Variants in NEGR1 observed in about 807,000 individuals in gnomAD.
The protein encoded by NEGR1 is IgLON family member 4.
A neutral mutation model predicts 40.9 loss-of-function variants in NEGR1; 10 were observed. The observed-to-expected ratio is 0.24, with a 90% confidence interval of 0.15 to 0.42. The LOEUF is 0.42. NEGR1 is among the 10% of genes least tolerant of loss of function. NEGR1 has a pLI of 1.00. For synonymous variants in NEGR1, 185 were observed against 166.8 expected (o/e 1.11, Z -0.84); for missense variants, 352 against 438.9 (o/e 0.80, Z 1.77).
intron 6 of NEGR1, among the ~76,000 whole-genome samples, chr1:71,447,836 T>C (rs986481801): frequency 6.6e-6 from 1 of 152,212 alleles, no homozygotes; most frequent in Non-Finnish European, 1.5e-5. Context: ...ATGAATGAAA[T>C]ATTTTTTTCT....
rs577246517 is a variant in NEGR1, at chr1:71,477,095, A to G, written c.941-69525T>C. The G allele has an allele frequency of 4.5e-4, 68 of 152,294 alleles. 1 individual carries two copies. Among genetic ancestry groups the G allele is most frequent in the African/African-American group, 1.6e-3 (66 of 41,586 alleles). The allele number at this position is 152,294 out of a possible 1,614,324, so 9.4% of individuals were successfully genotyped here. A position where few individuals can be genotyped will look rare whatever the true frequency, so the allele number is the denominator to read the frequency against. On this transcript the variant is annotated intron_variant, in intron 6 of 6. Transcript: ENST00000357731. ...GGAGAAGAATATTGTCAACAAATCA[A>G]TTTTAATTCTAATCAAGTATTTTGA...
intron 3 of NEGR1, among the ~76,000 whole-genome samples, chr1:71,742,398 T>C (rs987132547): frequency 2.6e-5 from 4 of 152,216 alleles, no homozygotes; most frequent in African/African-American, 9.6e-5. Flanking sequence ...TCTGCCCCAC[T>C]GGGTTTGGGA....
intron 1 of NEGR1, among the ~76,000 whole-genome samples, chr1:72,086,162 T>C (rs1648213448): frequency 6.6e-6 from 1 of 152,116 alleles, no homozygotes; most frequent in Non-Finnish European, 1.5e-5. Flanking sequence ...AATTTCGATA[T>C]TATAATGAAC....
intron 4 of NEGR1, among the ~76,000 whole-genome samples, chr1:71,632,174 C>T (rs1033613700): frequency 2.0e-5 from 3 of 151,682 alleles, no homozygotes; most frequent in Non-Finnish European, 1.5e-5. Context: ...ATGGAACCTA[C>T]ATCTTCCTAA....
At chr1:71,648,222 G>C (rs1570149118) in intron 4 of NEGR1, among the ~76,000 whole-genome samples, 1 of 151,842 alleles carries the variant, frequency 6.6e-6, no homozygotes, top group Non-Finnish European at 1.5e-5. Context: ...AACCAGAACA[G>C]TTTCTGAATT....
At chr1:71,994,056 C>T (rs1469187473) in intron 1 of NEGR1, among the ~76,000 whole-genome samples, 1 of 152,116 alleles carries the variant, frequency 6.6e-6, no homozygotes, top group Non-Finnish European at 1.5e-5. Context: ...TCCAGCACAA[C>T]TCTGTTGTTT....
intron 3 of NEGR1, among the ~76,000 whole-genome samples, chr1:71,770,529 T>C (rs1458833573): frequency 1.3e-5 from 2 of 152,130 alleles, no homozygotes; most frequent in Non-Finnish European, 2.9e-5. Flanking sequence ...ATAAAATCAA[T>C]CAAAGTTAAA....
intron 1 of NEGR1, among the ~76,000 whole-genome samples, chr1:72,083,104 A>G (rs908920633): frequency 6.6e-6 from 1 of 152,170 alleles, no homozygotes; most frequent in African/African-American, 2.4e-5. Flanking sequence ...CAATATTTCT[A>G]TATTATAGAA....
chr1:72,100,566 T>C (rs1648895793), intron 1 of NEGR1, among the ~76,000 whole-genome samples: 1 of 152,192 alleles, frequency 6.6e-6, no homozygotes, highest in South Asian at 2.1e-4. Context: ...ATTCAATTGT[T>C]CCAGTTTTAT....
chr1:71,550,681 C>T (rs1223822280), intron 6 of NEGR1, among the ~76,000 whole-genome samples: 3 of 151,614 alleles, frequency 2.0e-5, no homozygotes, highest in Non-Finnish European at 4.4e-5. Flanking sequence ...TGAGAGTTCC[C>T]TCCTAACATC....
Position 71,935,254 on chromosome 1 carries a change from A to C in NEGR1, c.234T>G (p.Ile78Met). Residue 78 changes from isoleucine (I) to methionine (M), a missense_variant, in exon 2 of 7, where the codon ATT becomes ATG. By Grantham distance (10) the Ile-to-Met change is conservative (BLOSUM62 1). Around this residue, in one of 5 missense-constraint regions of NEGR1, gnomAD observed 30 missense variants for 64.4 expected, o/e 0.47. Coordinates refer to ENST00000357731, the MANE Select transcript of NEGR1 (RefSeq NM_173808.3). ...KGAWLNRSSIIFAGGDKWSVD... is the reference protein window; with the variant it reads ...KGAWLNRSSIMFAGGDKWSVD... ...CTGACCACTTATCACCTCCCGCAAA[A>C]ATAATACTTGACCGGTTCAGCCAGG... 1 of 1,613,988 alleles carries C rather than the reference A, an allele frequency of 6.2e-7. No homozygotes were observed. Among genetic ancestry groups the C allele is most frequent in the South Asian group, 1.1e-5 (1 of 91,078 alleles).
chr1:72,037,204 T>C (rs1426295634), intron 1 of NEGR1, among the ~76,000 whole-genome samples: 1 of 152,186 alleles, frequency 6.6e-6, no homozygotes, highest in Non-Finnish European at 1.5e-5. Context: ...CTCTGTACTA[T>C]AGATTTCAAA....
At chr1:71,597,122 C>T (rs1332733360) in intron 5 of NEGR1, among the ~76,000 whole-genome samples, 1 of 151,996 alleles carries the variant, frequency 6.6e-6, no homozygotes, top group Non-Finnish European at 1.5e-5. Context: ...GTTGTGTGAA[C>T]TAAAGATACA....
At chr1:71,522,030 A>G (rs1336495368) in intron 6 of NEGR1, among the ~76,000 whole-genome samples, 5 of 151,986 alleles carry the variant, frequency 3.3e-5, no homozygotes, top group African/African-American at 7.2e-5. Flanking sequence ...AAAGCCTTTG[A>G]AAGCCACAAA....
intron 2 of NEGR1, among the ~76,000 whole-genome samples, chr1:71,859,877 C>T (rs1329098117): frequency 6.6e-6 from 1 of 152,064 alleles, no homozygotes; most frequent in East Asian, 1.9e-4. Context: ...ATCAAAGTAA[C>T]TGTTCCTGAA....
intron 3 of NEGR1, among the ~76,000 whole-genome samples, chr1:71,771,217 A>G (rs1656307137): frequency 2.0e-5 from 3 of 152,070 alleles, no homozygotes; most frequent in Admixed American, 1.3e-4. Context: ...ACCAAACACC[A>G]CATGTTCTCA....
At chr1:72,131,746 T>G (rs1242861718) in intron 1 of NEGR1, among the ~76,000 whole-genome samples, 1 of 152,204 alleles carries the variant, frequency 6.6e-6, no homozygotes, top group Non-Finnish European at 1.5e-5. Context: ...CATTTACAGG[T>G]TATGTCTACA....
intron 2 of NEGR1, among the ~76,000 whole-genome samples, chr1:71,884,884 A>C (rs1015106163): frequency 2.4e-4 from 36 of 152,144 alleles, no homozygotes; most frequent in African/African-American, 8.7e-4. Flanking sequence ...ACCTTTCTCT[A>C]TATATTTTTT....
intron 4 of NEGR1, among the ~76,000 whole-genome samples, chr1:71,620,689 C>G (rs535356513): frequency 6.6e-6 from 1 of 151,904 alleles, no homozygotes; most frequent in Non-Finnish European, 1.5e-5. Flanking sequence ...GAATCACAAT[C>G]TTTATGACTT....
Sources: gnomAD v4.1 joint callset for allele counts (sites outside exome capture counted in the v4.1 genomes callset) on GRCh38, gnomAD v4.1.1 for gene constraint, gnomAD v4.1.1 regional missense constraint, MANE v1.5 for transcripts, NCBI Gene and HGNC (gene_info 2026-07-23, HGNC 2026-07-21) for gene names.